COL25A1: variants seen among roughly 807,000 people sequenced by gnomAD.
COL25A1 encodes collagen type XXV alpha 1 chain.
In COL25A1, 103 loss-of-function variants were observed where a neutral mutation model predicts 128.4. The ratio of observed to expected loss-of-function variants is 0.80; its 90% CI spans 0.68 to 0.94. The LOEUF (loss-of-function observed/expected upper bound fraction) is 0.94. Ranked by LOEUF, COL25A1 falls within the 40% of genes least tolerant of loss-of-function variation. The pLI, the probability that COL25A1 is intolerant of heterozygous loss-of-function variation, is 0.00. For missense variants in COL25A1, 745 were observed against 840.0 expected (o/e 0.89, Z 1.40); for synonymous variants, 279 against 277.2 (o/e 1.01, Z -0.06).
intron 11 of COL25A1, among the ~76,000 whole-genome samples, chr4:108,934,199 C>T (rs1352424420): frequency 6.6e-6 from 1 of 151,994 alleles, no homozygotes; most frequent in Non-Finnish European, 1.5e-5. Context: ...ATGGATGAAG[C>T]TGGAAACCAT....
intron 5 of COL25A1, among the ~76,000 whole-genome samples, chr4:109,040,736 C>T (rs760168865): frequency 4.6e-5 from 7 of 152,164 alleles, no homozygotes; most frequent in Non-Finnish European, 1.0e-4. Flanking sequence ...GGAGACTGGA[C>T]ATTAGAACGG....
intron 8 of COL25A1, among the ~76,000 whole-genome samples, chr4:108,949,934 A>C (rs982179722): frequency 1.3e-5 from 2 of 152,172 alleles, no homozygotes; most frequent in Non-Finnish European, 2.9e-5. Flanking sequence ...CCAAGGCAAT[A>C]TTTGGACATT....
At chr4:109,180,024 T>C (rs563719596) in intron 3 of COL25A1, among the ~76,000 whole-genome samples, 2 of 152,320 alleles carry the variant, frequency 1.3e-5, no homozygotes, top group Admixed American at 1.3e-4. Flanking sequence ...CTGCTTCTAG[T>C]ATACATCAAT....
intron 8 of COL25A1, among the ~76,000 whole-genome samples, chr4:108,958,796 T>G (rs1269908332): frequency 6.6e-6 from 1 of 152,078 alleles, no homozygotes; most frequent in Non-Finnish European, 1.5e-5. Flanking sequence ...TAAATTCTGT[T>G]GGAATCTTGA....
chr4:109,091,519 G>C (rs1223728980), intron 3 of COL25A1, among the ~76,000 whole-genome samples: 2 of 152,044 alleles, frequency 1.3e-5, no homozygotes, highest in African/African-American at 2.4e-5. Flanking sequence ...GTCTCTGTGT[G>C]TGTGTGTGTC....
chr4:109,292,373 G>C (rs1724556002), intron 3 of COL25A1, among the ~76,000 whole-genome samples: 1 of 151,978 alleles, frequency 6.6e-6, no homozygotes, highest in South Asian at 2.1e-4. Flanking sequence ...AAAGTTCTCA[G>C]AGAAAATGTT....
intron 3 of COL25A1, among the ~76,000 whole-genome samples, chr4:109,055,032 T>G (rs1659789555): frequency 6.6e-6 from 1 of 152,150 alleles, no homozygotes; most frequent in African/African-American, 2.4e-5. Context: ...CAGGTTTACC[T>G]TCAGGTCTTC....
intron 3 of COL25A1, among the ~76,000 whole-genome samples, chr4:109,246,414 T>C (rs1780270668): frequency 6.6e-6 from 1 of 152,138 alleles, no homozygotes; most frequent in Non-Finnish European, 1.5e-5. Flanking sequence ...CCTTGGATAG[T>C]CAAACAGGGT....
intron 3 of COL25A1, among the ~76,000 whole-genome samples, chr4:109,233,889 T>C (rs1193303121): frequency 6.6e-6 from 1 of 152,054 alleles, no homozygotes; most frequent in East Asian, 1.9e-4. Context: ...TTCATGGTCT[T>C]CAGATCATAG....
chr4:108,882,224 C>T (rs1017811855), intron 19 of COL25A1, among the ~76,000 whole-genome samples: 2 of 149,962 alleles, frequency 1.3e-5, no homozygotes, highest in African/African-American at 4.9e-5. Flanking sequence ...GGATATAAGA[C>T]TAAAGTAAGA....
chr4:109,086,933 G>A (rs1484761425), intron 3 of COL25A1, among the ~76,000 whole-genome samples: 2 of 152,152 alleles, frequency 1.3e-5, no homozygotes, highest in African/African-American at 4.8e-5. Context: ...ATGGAGTGCT[G>A]TCTCTTTCCA....
In COL25A1 at chr4:108,946,959, G is replaced by A. The variant is rs559155558; in HGVS notation, c.493-5522C>T. 5.3e-5 allele frequency among the ~76,000 whole-genome samples: 8 copies of A among 152,268 alleles called. No individual in the cohort carries two copies. The South Asian group carries it at 1.7e-3, about 32-fold the overall frequency. On this transcript the variant is annotated intron_variant, in intron 8 of 37. Transcript: ENST00000399132. The stretch of plus-strand genomic sequence containing the variant: ...ACTTGTAACTTGGCTGATAATATAA[G>A]GGTAAATGAGGAGCAGAGAATGGTC...
At chr4:109,067,076 G>A (rs1762511593) in intron 3 of COL25A1, among the ~76,000 whole-genome samples, 2 of 152,086 alleles carry the variant, frequency 1.3e-5, no homozygotes, top group Admixed American at 6.5e-5. Context: ...TTTTCATATA[G>A]ACACATGTGG....
At chr4:109,108,644 C>T (rs1161617780) in intron 3 of COL25A1, among the ~76,000 whole-genome samples, 1 of 152,108 alleles carries the variant, frequency 6.6e-6, no homozygotes, top group Non-Finnish European at 1.5e-5. Flanking sequence ...TACCAAAAAT[C>T]ATTAGCTTTA....
At chr4:109,247,411 T>C (rs1345536506) in intron 3 of COL25A1, among the ~76,000 whole-genome samples, 5 of 152,034 alleles carry the variant, frequency 3.3e-5, no homozygotes, top group African/African-American at 1.2e-4. Flanking sequence ...AAGGCTTGAA[T>C]GTCAGGTAAG....
chr4:109,198,491 C>G (rs959502583), intron 3 of COL25A1, among the ~76,000 whole-genome samples: 1 of 152,154 alleles, frequency 6.6e-6, no homozygotes, highest in Admixed American at 6.6e-5. Context: ...TCCTTTTACT[C>G]CCTTAAATTT....
chr4:108,977,733 T>C (rs1208784806), intron 6 of COL25A1, among the ~76,000 whole-genome samples: 1 of 152,198 alleles, frequency 6.6e-6, no homozygotes, highest in Non-Finnish European at 1.5e-5. Context: ...AAAGACATAG[T>C]CCCTGTCCTG....
chr4:108,852,387 T>G, intron 25 of COL25A1, 107 bp from the exon 26 acceptor site: 1 of 817,102 alleles, frequency 1.2e-6, no homozygotes, highest in Non-Finnish European at 1.9e-6. Flanking sequence ...CGTAATCAGA[T>G]CTCCCCAAAT....
chr4:109,213,578 AG>A (rs1335117845), intron 3 of COL25A1, among the ~76,000 whole-genome samples: 1 of 152,178 alleles, frequency 6.6e-6, no homozygotes, highest in Non-Finnish European at 1.5e-5. Flanking sequence ...TTAATCTCCC[AG>A]TTAACAGCAC....
Sources: gnomAD v4.1 joint callset for allele counts (sites outside exome capture counted in the v4.1 genomes callset) on GRCh38, gnomAD v4.1.1 for gene constraint, MANE v1.5 for transcripts, NCBI Gene and HGNC (gene_info 2026-07-23, HGNC 2026-07-21) for gene names.